The following KANSL1 variants were observed in gnomAD, a reference collection of about 807,000 sequenced individuals.
KANSL1 encodes the protein KAT8 regulatory NSL complex subunit 1, also known as MLL1/MLL complex subunit KANSL1.
KANSL1 carries 22 observed loss-of-function variants against 103.6 expected under a neutral mutation model. The ratio of observed to expected loss-of-function variants is 0.21; its 90% CI spans 0.15 to 0.30. The LOEUF is 0.30. Ranked by LOEUF, KANSL1 falls within the 10% of genes least tolerant of loss-of-function variation. The probability of loss-of-function intolerance (pLI) is 1.00; values close to 1 mark genes in which losing one functional copy is unlikely to be tolerated. For synonymous variants in KANSL1, 600 were observed against 527.6 expected, an observed-to-expected ratio of 1.14 and a Z score of -1.88; for missense variants, 1,337 against 1,399.8, an observed-to-expected ratio of 0.96 and a Z score of 0.72.
intron 2 of KANSL1, among the ~76,000 whole-genome samples, chr17:46,164,465 G>A (rs774204211): frequency 6.6e-6 from 1 of 152,364 alleles, no homozygotes; most frequent in South Asian, 2.1e-4. Flanking sequence ...AATCAAAGGT[G>A]TTCAACAAAT....
chr17:46,041,738 A>G (rs1374706283), intron 7 of KANSL1: 1 of 152,154 alleles, frequency 6.6e-6, no homozygotes, highest in Non-Finnish European at 1.5e-5. Context: ...CCCACCTCAC[A>G]GCAACTTACT....
intron 7 of KANSL1, chr17:46,044,277 G>A (rs568573558): frequency 6.6e-6 from 1 of 152,290 alleles, no homozygotes; most frequent in South Asian, 2.1e-4. Flanking sequence ...AATTACTAAT[G>A]TCATCCTTAA....
rs1567680796 is a variant in KANSL1 at position 46,105,939 on chromosome 17, ACACACACACCCCC to A, written c.1290-11251_1290-11239del. On this transcript the variant is annotated intron_variant, in intron 2 of 14. Transcript: ENST00000432791. ...CACACACACACACACACACACACAC[ACACACACACCCCC>A]CCAGAAGGGTGAAGGAGCAGAAAAG... Among the ~76,000 whole-genome samples, 99 of 77,092 alleles carry A rather than the reference ACACACACACCCCC, an allele frequency of 1.3e-3. 1 individual carries two copies. Among genetic ancestry groups the A allele is most frequent in the Admixed American group, 4.5e-3 (31 of 6,956 alleles). 50.6% of individuals were successfully genotyped at this position (77,092 alleles called of 152,430 possible).
chr17:46,145,169 C>T (rs894280806), intron 2 of KANSL1, among the ~76,000 whole-genome samples: 2 of 152,246 alleles, frequency 1.3e-5, no homozygotes, highest in African/African-American at 2.4e-5. Context: ...TGAAAAGCCA[C>T]GGAGACTAGT....
chr17:46,162,513 A>G (rs2045794176), intron 2 of KANSL1, among the ~76,000 whole-genome samples: 1 of 152,238 alleles, frequency 6.6e-6, no homozygotes, highest in Non-Finnish European at 1.5e-5. Flanking sequence ...ATATCCATCC[A>G]ATGTAGTTAC....
chr17:46,219,250 T>TTAAAA (rs71262051), intron 1 of KANSL1, among the ~76,000 whole-genome samples: 128 of 135,266 alleles, frequency 9.5e-4, no homozygotes, highest in Middle Eastern at 3.8e-3. Flanking sequence ...TCTTGTCTCA[T>TTAAAA]AAAAAAAAAA....
chr17:46,113,710 G>GTC (rs1449834087), intron 2 of KANSL1, among the ~76,000 whole-genome samples: 12 of 152,234 alleles, frequency 7.9e-5, no homozygotes, highest in African/African-American at 2.4e-4. Context: ...TCTGCATGAA[G>GTC]TCTACCCTGT....
chr17:46,074,845 A>G (rs1420380009), intron 4 of KANSL1, among the ~76,000 whole-genome samples: 6 of 152,128 alleles, frequency 3.9e-5, no homozygotes, highest in Admixed American at 6.5e-5. Context: ...TGCTAATTTT[A>G]CAGAGGAGAA....
chr17:46,118,680 C>T (rs1410357907), intron 2 of KANSL1, among the ~76,000 whole-genome samples: 1 of 152,196 alleles, frequency 6.6e-6, no homozygotes, highest in Non-Finnish European at 1.5e-5. Context: ...AGAGGCCTAG[C>T]ATCCTTTGAA....
chr17:46,080,771 T>C (rs1223318320), intron 4 of KANSL1, among the ~76,000 whole-genome samples: 1 of 146,384 alleles, frequency 6.8e-6, no homozygotes, highest in African/African-American at 2.5e-5. Flanking sequence ...AGCATGGATA[T>C]ATTCATAAAG....
intron 1 of KANSL1, among the ~76,000 whole-genome samples, chr17:46,180,129 G>A (rs555758412): frequency 6.6e-6 from 1 of 152,126 alleles, no homozygotes; most frequent in South Asian, 2.1e-4. Context: ...GGAAATAGTA[G>A]AATGAAGGTG....
chr17:46,104,274 G>T (rs2042438742), intron 2 of KANSL1, among the ~76,000 whole-genome samples: 1 of 152,130 alleles, frequency 6.6e-6, no homozygotes, highest in Admixed American at 6.5e-5. Context: ...CACAATAAAA[G>T]AAATGTAATT....
At chr17:46,136,926 A>G (rs989478532) in intron 2 of KANSL1, among the ~76,000 whole-genome samples, 11 of 152,374 alleles carry the variant, frequency 7.2e-5, no homozygotes, top group African/African-American at 2.6e-4. Context: ...TTTTACTTTC[A>G]GGGTTGGGAA....
upstream of KANSL1, among the ~76,000 whole-genome samples, chr17:46,197,108 C>T (rs2532231): frequency 0.54 from 81,228 of 150,932 alleles, 22,040 homozygotes; most frequent in East Asian, 0.89. Flanking sequence ...AGCAACACCC[C>T]GTCTCCAAAA....
At chr17:46,058,026 G>A (rs1454139373) in intron 6 of KANSL1, among the ~76,000 whole-genome samples, 1 of 152,190 alleles carries the variant, frequency 6.6e-6, no homozygotes, top group Admixed American at 6.5e-5. Flanking sequence ...AGGGCAGGGA[G>A]AGGATCTGAA....
At chr17:46,130,179 C>A (rs980334834) in intron 2 of KANSL1, among the ~76,000 whole-genome samples, 8 of 100,072 alleles carry the variant, frequency 8.0e-5, no homozygotes, top group Non-Finnish European at 1.7e-4. Context: ...AGAATGAGAT[C>A]CTGTCTCCAA....
At chr17:46,158,579 C>T (rs1211560992) in intron 2 of KANSL1, among the ~76,000 whole-genome samples, 1 of 152,114 alleles carries the variant, frequency 6.6e-6, no homozygotes. Flanking sequence ...CTCGCTCTAT[C>T]GCCCAGGCTG....
At chr17:46,158,405 C>T (rs2045549566) in intron 2 of KANSL1, among the ~76,000 whole-genome samples, 1 of 151,324 alleles carries the variant, frequency 6.6e-6, no homozygotes, top group African/African-American at 2.4e-5. Flanking sequence ...AGTCGCCCAG[C>T]TGGAGTGCGG....
intron 7 of KANSL1, among the ~76,000 whole-genome samples, chr17:46,047,806 A>T (rs2077567094): frequency 1.0e-5 from 1 of 96,840 alleles, no homozygotes. Context: ...AAAAATTAAA[A>T]AAAAAAAAAA....
Sources: gnomAD v4.1 joint callset for allele counts (sites outside exome capture counted in the v4.1 genomes callset) on GRCh38, gnomAD v4.1.1 for gene constraint, MANE v1.5 for transcripts, NCBI Gene and HGNC (gene_info 2026-07-23, HGNC 2026-07-21) for gene names.